The following PRKCE variants were observed in gnomAD, a reference collection of about 807,000 sequenced individuals.
PRKCE encodes the protein protein kinase C epsilon type.
Under a neutral mutation model 85.4 loss-of-function variants are expected in PRKCE, and 16 were observed. The observed-to-expected ratio is 0.19, with a 90% CI of 0.13 to 0.28. The LOEUF is 0.28. Among genes scored for constraint, PRKCE ranks in the 10% least tolerant of loss-of-function variants. PRKCE has a pLI of 1.00. For synonymous variants in PRKCE, 388 were observed against 371.5 expected, an observed-to-expected ratio of 1.04 and a Z score of -0.51; for missense variants, 573 against 975.2, an observed-to-expected ratio of 0.59 and a Z score of 5.49.
intron 10 of PRKCE, among the ~76,000 whole-genome samples, chr2:46,074,986 G>C (rs1158605727): frequency 1.3e-5 from 2 of 152,166 alleles, no homozygotes; most frequent in African/African-American, 4.8e-5. Flanking sequence ...GCTTTGGCTG[G>C]GTTGGGGAAA....
intron 10 of PRKCE, among the ~76,000 whole-genome samples, chr2:46,043,959 C>G (rs1248722072): frequency 1.3e-5 from 2 of 152,222 alleles, no homozygotes; most frequent in African/African-American, 4.8e-5. Flanking sequence ...TCATGAGTAT[C>G]TGGCCCACTG....
At chr2:45,841,693 A>T (rs113640955) in intron 1 of PRKCE, among the ~76,000 whole-genome samples, 2,161 of 152,332 alleles carry the variant, frequency 0.014, 21 homozygotes, top group Middle Eastern at 0.031. Context: ...AATATTAACC[A>T]TCGCAGGAGC....
intron 2 of PRKCE, among the ~76,000 whole-genome samples, chr2:45,943,870 C>G (rs1389896487): frequency 6.6e-6 from 1 of 152,214 alleles, no homozygotes; most frequent in African/African-American, 2.4e-5. Flanking sequence ...CGCAGTGAAA[C>G]TGCCCAGTCT....
chr2:45,986,474 G>A (rs1452699817), intron 6 of PRKCE, among the ~76,000 whole-genome samples: 1 of 152,192 alleles, frequency 6.6e-6, no homozygotes. Context: ...TCCCCAGATG[G>A]AGGGCAAGCC....
rs146934510 is a variant in PRKCE, at chr2:45,996,697, C to T, written c.824-4707C>T. 5.3e-5 allele frequency among the ~76,000 whole-genome samples: 8 copies of T among 152,158 alleles called. No homozygotes were observed. In the East Asian group the frequency reaches 1.5e-3, roughly 29 times the overall value. On this transcript the variant is annotated intron_variant, in intron 6 of 14. Transcript: ENST00000306156. ...TTGCCTGGGATAAATCCTACTTGGTCATGGTGTGTAATTCTCTTTATAAAT... is the reference window on the plus strand; with the variant it reads ...TTGCCTGGGATAAATCCTACTTGGTTATGGTGTGTAATTCTCTTTATAAAT...
intron 11 of PRKCE, among the ~76,000 whole-genome samples, chr2:46,093,530 CTTT>C (rs56905063): frequency 2.1e-3 from 281 of 131,434 alleles, no homozygotes; most frequent in African/African-American, 2.6e-3. Flanking sequence ...TTGTACTTTT[CTTT>C]TTTTTTTTTT....
chr2:46,135,597 C>T (rs1422816203), intron 11 of PRKCE, among the ~76,000 whole-genome samples: 2 of 151,906 alleles, frequency 1.3e-5, no homozygotes, highest in Non-Finnish European at 2.9e-5. Context: ...TTGTGTTGCT[C>T]CTAAATGATT....
intron 2 of PRKCE, among the ~76,000 whole-genome samples, chr2:45,954,356 A>T (rs1438981579): frequency 2.6e-5 from 4 of 152,254 alleles, no homozygotes; most frequent in Non-Finnish European, 5.9e-5. Flanking sequence ...TCTTGTGATC[A>T]AATTGTAAGT....
At chr2:45,788,734 T>C (rs1438179601) in intron 1 of PRKCE, among the ~76,000 whole-genome samples, 2 of 152,244 alleles carry the variant, frequency 1.3e-5, no homozygotes, top group South Asian at 4.1e-4. Flanking sequence ...TCTAATTCTC[T>C]ATTCAGATGC....
chr2:45,714,134 T>C (rs1679891979), intron 1 of PRKCE, among the ~76,000 whole-genome samples: 1 of 152,190 alleles, frequency 6.6e-6, no homozygotes, highest in African/African-American at 2.4e-5. Context: ...TGCTAAGTAG[T>C]GGCTGTTTAA....
chr2:45,787,727 A>C (rs1418957184), intron 1 of PRKCE, among the ~76,000 whole-genome samples: 1 of 152,228 alleles, frequency 6.6e-6, no homozygotes, highest in African/African-American at 2.4e-5. Context: ...AGACCTGACA[A>C]CTTGGCTCAG....
intron 2 of PRKCE, among the ~76,000 whole-genome samples, chr2:45,848,275 A>G (rs576572156): frequency 1.9e-4 from 29 of 152,282 alleles, no homozygotes; most frequent in African/African-American, 7.0e-4. Context: ...AATTAAAAAG[A>G]ACCATTCATT....
chr2:46,105,977 A>C (rs1183352901), intron 11 of PRKCE, among the ~76,000 whole-genome samples: 3 of 152,210 alleles, frequency 2.0e-5, no homozygotes, highest in Non-Finnish European at 4.4e-5. Context: ...TATGTTTTAT[A>C]GTAGTAAATG....
chr2:46,091,199 A>G (rs1260325770), intron 11 of PRKCE, among the ~76,000 whole-genome samples: 2 of 152,122 alleles, frequency 1.3e-5, no homozygotes, highest in Non-Finnish European at 2.9e-5. Flanking sequence ...AGAAGAATGC[A>G]TTAGATCACC....
intron 1 of PRKCE, among the ~76,000 whole-genome samples, chr2:45,696,748 C>T (rs1678184266): frequency 6.6e-6 from 1 of 152,222 alleles, no homozygotes; most frequent in South Asian, 2.1e-4. Flanking sequence ...CTGATTGTCA[C>T]ATTGTTCCAC....
At chr2:45,842,893 T>G in intron 1 of PRKCE, 107 bp from the exon 2 acceptor site, 1 of 1,000,746 alleles carries the variant, frequency 1.0e-6, no homozygotes, top group Non-Finnish European at 1.6e-6. Flanking sequence ...GTGAATTACA[T>G]GGAGCTGTGT....
chr2:45,876,082 C>T (rs1663344549), intron 2 of PRKCE, among the ~76,000 whole-genome samples: 2 of 152,166 alleles, frequency 1.3e-5, no homozygotes, highest in Admixed American at 6.6e-5. Context: ...AATAAGAATT[C>T]TCATTTCTTT....
intron 1 of PRKCE, among the ~76,000 whole-genome samples, chr2:45,761,975 G>A (rs970165805): frequency 1.1e-4 from 16 of 152,116 alleles, no homozygotes; most frequent in African/African-American, 3.9e-4. Context: ...GGGAGTTACT[G>A]CAGATCAGGC....
intron 1 of PRKCE, chr2:45,675,556 G>A (rs1158369842): frequency 1.3e-5 from 2 of 152,204 alleles, no homozygotes; most frequent in African/African-American, 2.4e-5. Context: ...CCGGTCTGAC[G>A]AGTTTTAAGG....
Sources: gnomAD v4.1 joint callset for allele counts (sites outside exome capture counted in the v4.1 genomes callset) on GRCh38, gnomAD v4.1.1 for gene constraint, MANE v1.5 for transcripts, NCBI Gene and HGNC (gene_info 2026-07-23, HGNC 2026-07-21) for gene names.